LYAR: variants seen among roughly 807,000 people sequenced by gnomAD.
The protein encoded by LYAR is cell growth-regulating nucleolar protein.
A neutral mutation model predicts 45.2 loss-of-function variants in LYAR; 37 were observed. That is an observed-to-expected ratio of 0.82 (90% CI 0.63 to 1.08). LYAR has a LOEUF of 1.08. LYAR is among the 50% of genes least tolerant of loss of function. The probability of loss-of-function intolerance (pLI) is 0.00; values close to 1 mark genes in which losing one functional copy is unlikely to be tolerated. For synonymous variants in LYAR, 176 were observed against 155.1 expected, an observed-to-expected ratio of 1.14 and a Z score of -1.00; for missense variants, 493 against 451.0, an observed-to-expected ratio of 1.09 and a Z score of -0.84.
In LYAR at chr4:4,274,712, C is replaced by T; in HGVS notation, c.487G>A (p.Ala163Thr). 1 of 1,613,538 alleles carries T rather than the reference C, an allele frequency of 6.2e-7. No homozygotes were observed. Among genetic ancestry groups the T allele is most frequent in the Non-Finnish European group, 8.5e-7 (1 of 1,179,908 alleles). Reference protein sequence around the residue: ...RPLHPVANPHAEISTKVPASK... With the variant: ...RPLHPVANPHTEISTKVPASK... The stretch of plus-strand genomic sequence containing the variant: ...GCTGGAACCTTGGTGGAGATTTCTG[C>T]ATGTGGATTTGCCACTGGGTGGAGT... The change falls in exon 7 of 10, where the codon GCA (alanine) becomes ACA (threonine). Residue 163 changes from alanine (A) to threonine (T), a missense_variant. Coordinates refer to ENST00000343470, the MANE Select transcript of LYAR (RefSeq NM_017816.3).
At chr4:4,288,193 T>A (rs1207957450) in intron 1 of LYAR, among the ~76,000 whole-genome samples, 1 of 152,198 alleles carries the variant, frequency 6.6e-6, no homozygotes, top group Non-Finnish European at 1.5e-5. Context: ...ACACCAGATA[T>A]GAAAGCTTCA....
intron 2 of LYAR, among the ~76,000 whole-genome samples, chr4:4,286,307 CT>C (rs1169212157): frequency 6.6e-6 from 1 of 152,296 alleles, no homozygotes; most frequent in African/African-American, 2.4e-5. Flanking sequence ...TAAACACTTG[CT>C]TGGGCTTCAA....
At position 4,290,135 on chromosome 4, in the gene LYAR, G is replaced by C. The variant is rs1464288696; in HGVS notation, c.-207C>G. ...CGCAGCTACCTGCCTCTCAGGCTTC[G>C]CGGTGCAGAATTCGCTTCTGAACCA... On this transcript the variant is annotated 5_prime_UTR_variant, in exon 1 of 10. Coordinates refer to ENST00000343470, the MANE Select transcript of LYAR (RefSeq NM_017816.3). The C allele has an allele frequency of 6.6e-6, 1 of 152,354 alleles. No homozygotes were observed. Among genetic ancestry groups the C allele is most frequent in the Non-Finnish European group, 1.5e-5 (1 of 68,188 alleles). 9.4% of individuals were successfully genotyped at this position (152,354 alleles called of 1,614,324 possible).
At chr4:4,273,442 A>G in intron 8 of LYAR, 141 bp downstream of exon 8, 2 of 611,748 alleles carry the variant, frequency 3.3e-6, no homozygotes, top group South Asian at 4.0e-5. Flanking sequence ...TCGCTTTTTG[A>G]AAGTGGTACG....
intron 1 of LYAR, among the ~76,000 whole-genome samples, chr4:4,287,434 T>C (rs1312274756): frequency 6.6e-6 from 1 of 152,228 alleles, no homozygotes; most frequent in African/African-American, 2.4e-5. Context: ...TCTGTCTGTA[T>C]GGTCAGTTTA....
chr4:4,270,464 A>G (rs1718889725), intron 8 of LYAR, among the ~76,000 whole-genome samples: 1 of 151,402 alleles, frequency 6.6e-6, no homozygotes, highest in Non-Finnish European at 1.5e-5. Context: ...CTGAAAAAAA[A>G]TTCACAAACT....
intron 2 of LYAR, among the ~76,000 whole-genome samples, chr4:4,285,679 A>G (rs1227162653): frequency 6.6e-6 from 1 of 152,210 alleles, no homozygotes; most frequent in African/African-American, 2.4e-5. Context: ...CAACAACAAA[A>G]AACAGTCTCT....
At chr4:4,279,030 A>T (rs1229322380) in intron 6 of LYAR, among the ~76,000 whole-genome samples, 1 of 151,992 alleles carries the variant, frequency 6.6e-6, no homozygotes, top group East Asian at 2.0e-4. Flanking sequence ...AGGTTCTCTA[A>T]AAAAGAAGGC....
In LYAR at chr4:4,267,955, A is replaced by G. The variant is rs1718779811; in HGVS notation, c.1074T>C (p.Phe358=). ...HRSEEELLVI[F]NKKISKNPTF... is the part of the protein sequence containing the mutation. Reference sequence around the variant, plus strand: ...TAGGGTTCTTGCTGATTTTCTTGTTAAAGATGACCAGGAGTTCCTCTTCGG... The same window carrying G: ...TAGGGTTCTTGCTGATTTTCTTGTTGAAGATGACCAGGAGTTCCTCTTCGG... The change falls in exon 10 of 10, where the codon TTT becomes TTC. Residue 358 remains phenylalanine (F), a synonymous_variant. Transcript: ENST00000343470. 3 of 1,613,134 alleles carry G rather than the reference A, an allele frequency of 1.9e-6. No homozygotes were observed. Among genetic ancestry groups the G allele is most frequent in the East Asian group, 4.5e-5 (2 of 44,848 alleles).
chr4:4,273,379 C>T (rs973625996), intron 8 of LYAR, among the ~76,000 whole-genome samples: 8 of 152,158 alleles, frequency 5.3e-5, no homozygotes, highest in Non-Finnish European at 8.8e-5. Flanking sequence ...CTCTCGGCCC[C>T]TCTCCCAACC....
intron 8 of LYAR, among the ~76,000 whole-genome samples, chr4:4,269,700 A>C (rs968818122): frequency 6.6e-6 from 1 of 152,208 alleles, no homozygotes; most frequent in Admixed American, 6.5e-5. Context: ...GTTAAAACAG[A>C]AAGCGTAAAC....
At chr4:4,287,485 G>A (rs953157446) in intron 1 of LYAR, among the ~76,000 whole-genome samples, 2 of 152,116 alleles carry the variant, frequency 1.3e-5, no homozygotes, top group South Asian at 2.1e-4. Context: ...AAAAGATGAC[G>A]GGGTCTGCAC....
chr4:4,286,771 C>T lies in LYAR; in HGVS notation c.-107-199G>A, dbSNP rs569875732. Among the ~76,000 whole-genome samples, 16 of 151,658 alleles carry T rather than the reference C, an allele frequency of 1.1e-4. No individual in the cohort carries two copies. The South Asian group carries it at 2.5e-3, about 24-fold the overall frequency. On this transcript the variant is annotated intron_variant, in intron 1 of 9. Transcript: ENST00000343470. ...ATGCCATTCTCTTGCCTCAGCCTCC[C>T]GAGTAGCTGGGATTACAGGCATCCG... is the stretch of plus-strand genomic sequence containing the variant.
chr4:4,267,759 T>C lies in LYAR; in HGVS notation c.*130A>G. 1.7e-6 allele frequency: 1 copy of C among 601,592 alleles called. No individual in the cohort carries two copies. The highest frequency in any genetic ancestry group is 3.3e-5 in the East Asian group (1 of 30,220). 37.3% of individuals were successfully genotyped at this position (601,592 alleles called of 1,614,324 possible). On this transcript the variant is annotated 3_prime_UTR_variant, in exon 10 of 10. Coordinates refer to ENST00000343470, the MANE Select transcript of LYAR (RefSeq NM_017816.3). The stretch of plus-strand genomic sequence containing the variant: ...TCTCATAAAAGTTATACCAAAAATA[T>C]ATTTTCTTAACTTAAAAATACAGCT...
chr4:4,280,600 C>A (rs1719356076), intron 4 of LYAR, among the ~76,000 whole-genome samples: 1 of 152,132 alleles, frequency 6.6e-6, no homozygotes, highest in African/African-American at 2.4e-5. Context: ...GTGACAGCAG[C>A]AGAGACGGAA....
At chr4:4,289,357 G>A (rs994472290) in intron 1 of LYAR, among the ~76,000 whole-genome samples, 3 of 152,150 alleles carry the variant, frequency 2.0e-5, no homozygotes, top group South Asian at 2.1e-4. Flanking sequence ...CACAGTGTGA[G>A]TAAGTCCCAA....
intron 1 of LYAR, among the ~76,000 whole-genome samples, chr4:4,286,931 G>A (rs903034898): frequency 6.6e-6 from 1 of 152,114 alleles, no homozygotes; most frequent in Admixed American, 6.5e-5. Context: ...GATTACAGGC[G>A]TGAGCCACCG....
At chr4:4,286,646 C>CTTTTTTTTTTTTTTTTTTTT (rs11364697) in intron 1 of LYAR, 74 bp from the exon 2 acceptor site, 1 of 128,596 alleles carries the variant, frequency 7.8e-6, no homozygotes. Context: ...TTTAATTAAA[C>CTTTTTTTTTTTTTTTTTTTT]TTTTTTTTTT....
chr4:4,289,820 TC>T (rs1374342735), intron 1 of LYAR: 9 of 152,224 alleles, frequency 5.9e-5, no homozygotes, highest in Non-Finnish European at 1.2e-4. Context: ...CCGAGGGAGT[TC>T]CCAGGACGCC....
Sources: allele counts gnomAD v4.1 joint callset (sites outside exome capture counted in the v4.1 genomes callset), GRCh38; gene constraint gnomAD v4.1.1; transcripts MANE v1.5; gene names NCBI Gene and HGNC (gene_info 2026-07-23, HGNC 2026-07-21).